The following ERO1B variants were observed in gnomAD, a reference collection of about 807,000 sequenced individuals.
ERO1B encodes the protein ERO1-like protein beta.
A neutral mutation model predicts 75.3 loss-of-function variants in ERO1B; 49 were observed. The observed-to-expected ratio is 0.65, with a 90% CI of 0.52 to 0.83. The LOEUF is 0.83. ERO1B is among the 40% of genes least tolerant of loss of function. The probability of loss-of-function intolerance (pLI) is 0.00; values close to 1 mark genes in which losing one functional copy is unlikely to be tolerated. For synonymous variants in ERO1B, 191 were observed against 192.9 expected (o/e 0.99, Z 0.08); for missense variants, 512 against 560.1 (o/e 0.91, Z 0.87).
chr1:236,220,812 C>A lies in ERO1B; in HGVS notation c.1343+20G>T. ...AACCCAATGGGAAATCAAAAATCTT[C>A]AACATATAATGGTTCTTACCTTCCA... On this transcript the variant is annotated intron_variant, in intron 15 of 15. Coordinates refer to ENST00000354619, the MANE Select transcript of ERO1B (RefSeq NM_019891.4). 2 of 1,530,524 alleles carry A rather than the reference C, an allele frequency of 1.3e-6. No homozygotes were observed. The highest frequency in any genetic ancestry group is 1.3e-5 in the South Asian group (1 of 74,576). The allele number at this position is 1,530,524 out of a possible 1,614,324, so 94.8% of individuals were successfully genotyped here. A position where few individuals can be genotyped will look rare whatever the true frequency, so the allele number is the denominator to read the frequency against.
rs1407417098 is a variant in ERO1B at position 236,226,294 on chromosome 1, G to C, written c.1027C>G (p.Leu343Val). Reference protein sequence around the residue: ...AEEDADTKTLLLNIFQDTKSF... With the variant: ...AEEDADTKTLVLNIFQDTKSF... Reference sequence around the variant, plus strand: ...TTTGTATCTTGAAAGATATTCAGTAGAAGAGTTTTTGTGTCAGCATCTTCT... The same window carrying C: ...TTTGTATCTTGAAAGATATTCAGTACAAGAGTTTTTGTGTCAGCATCTTCT... The change falls in exon 12 of 16, where the codon CTA (leucine) becomes GTA (valine). Residue 343 changes from leucine to valine, a missense_variant. By Grantham distance (32) the Leu-to-Val change is conservative. Transcript: ENST00000354619. 2 of 1,613,970 alleles carry C rather than the reference G, an allele frequency of 1.2e-6. No individual in the cohort carries two copies. The highest frequency in any genetic ancestry group is 3.3e-5 in the Admixed American group (2 of 59,986).
chr1:236,218,370 CAT>C lies in ERO1B; in HGVS notation c.*144_*145del, dbSNP rs1290301495. On this transcript the variant is annotated 3_prime_UTR_variant, in exon 16 of 16. Transcript: ENST00000354619. The stretch of plus-strand genomic sequence containing the variant: ...TAGTTGATAATAATCTATTAAGAAT[CAT>C]AAATATTCAAGTGAGCATTTAAATT... 8 of 593,260 alleles carry C rather than the reference CAT, an allele frequency of 1.3e-5. No individual in the cohort carries two copies. Among genetic ancestry groups the C allele is most frequent in the East Asian group, 6.2e-5 (1 of 16,106 alleles). 36.7% of individuals were successfully genotyped at this position (593,260 alleles called of 1,614,324 possible). A position where few individuals can be genotyped will look rare whatever the true frequency, so the allele number is the denominator to read the frequency against.
At chr1:236,265,542 T>C (rs1665414877) in intron 2 of ERO1B, among the ~76,000 whole-genome samples, 1 of 152,204 alleles carries the variant, frequency 6.6e-6, no homozygotes. Context: ...AGCTGCAGCA[T>C]TCTATTGCAA....
chr1:236,249,096 G>C (rs1163377868), intron 5 of ERO1B, among the ~76,000 whole-genome samples: 1 of 149,508 alleles, frequency 6.7e-6, no homozygotes, highest in Non-Finnish European at 1.5e-5. Flanking sequence ...TGTGATCTCA[G>C]CTCACTGCAA....
intron 2 of ERO1B, among the ~76,000 whole-genome samples, chr1:236,254,918 TTA>T (rs1326790639): frequency 6.7e-6 from 1 of 150,014 alleles, no homozygotes; most frequent in Non-Finnish European, 1.5e-5. Context: ...TGGCCGGTCT[TTA>T]TCTTTTTTTT....
chr1:236,249,734 G>C lies in ERO1B; in HGVS notation c.431+151C>G. On this transcript the variant is annotated intron_variant, in intron 5 of 15. Transcript: ENST00000354619. ...AGCCAAGAAGAGGCAAAGCTATTAT[G>C]AAATTTAGGATAAAGAAAAACTTTT... 1.1e-5 allele frequency: 6 copies of C among 531,232 alleles called. No homozygotes were observed. The South Asian group carries it at 1.8e-4, about 16-fold the overall frequency. 32.9% of individuals were successfully genotyped at this position (531,232 alleles called of 1,614,324 possible).
At position 236,216,511 on chromosome 1, in the gene ERO1B, A is replaced by G. The variant is rs1663982671; in HGVS notation, c.*2005T>C. ...TCATTTATTTTCTTAGTTGTGAAAAAATTAGTTAAGAACCTTAAAAAGAAC... is the reference window on the plus strand; with the variant it reads ...TCATTTATTTTCTTAGTTGTGAAAAGATTAGTTAAGAACCTTAAAAAGAAC... On this transcript the variant is annotated 3_prime_UTR_variant, in exon 16 of 16. Coordinates refer to ENST00000354619, the MANE Select transcript of ERO1B (RefSeq NM_019891.4). 6.6e-6 allele frequency: 1 copy of G among 152,110 alleles called. No individual in the cohort carries two copies. The highest frequency in any genetic ancestry group is 2.4e-5 in the African/African-American group (1 of 41,428). The allele number at this position is 152,110 out of a possible 1,614,324, so 9.4% of individuals were successfully genotyped here. A position where few individuals can be genotyped will look rare whatever the true frequency, so the allele number is the denominator to read the frequency against.
chr1:236,266,008 T>C (rs1449352338), intron 2 of ERO1B, among the ~76,000 whole-genome samples: 1 of 152,224 alleles, frequency 6.6e-6, no homozygotes, highest in Non-Finnish European at 1.5e-5. Context: ...CCAATATTCA[T>C]TCTCTCCTAC....
chr1:236,279,340 TA>T (rs1382221596), intron 1 of ERO1B, among the ~76,000 whole-genome samples: 1 of 146,934 alleles, frequency 6.8e-6, no homozygotes. Context: ...TCATCTCTAC[TA>T]AAAAATACAA....
At position 236,281,835 on chromosome 1, in the gene ERO1B, G is replaced by A. The variant is rs1445781022; in HGVS notation, c.-52C>T. Reference sequence around the variant, plus strand: ...GCCGGACCCCTCGGGGCCGGGGAACGACGGGCGGCCCAGGCGACGACCCAA... The same window carrying A: ...GCCGGACCCCTCGGGGCCGGGGAACAACGGGCGGCCCAGGCGACGACCCAA... On this transcript the variant is annotated 5_prime_UTR_variant, in exon 1 of 16. Coordinates refer to ENST00000354619, the MANE Select transcript of ERO1B (RefSeq NM_019891.4). 2 of 1,311,198 alleles carry A rather than the reference G, an allele frequency of 1.5e-6. No individual in the cohort carries two copies. Among genetic ancestry groups the A allele is most frequent in the African/African-American group, 1.5e-5 (1 of 65,294 alleles). The allele number at this position is 1,311,198 out of a possible 1,614,324, so 81.2% of individuals were successfully genotyped here.
rs1380093731 is a variant in ERO1B at position 236,220,691 on chromosome 1, CCTCT to C, written c.1343+137_1343+140del. 26 of 695,562 alleles carry C rather than the reference CCTCT, an allele frequency of 3.7e-5. No individual in the cohort carries two copies. In the South Asian group the frequency reaches 8.6e-4, roughly 23 times the overall value. The allele number at this position is 695,562 out of a possible 1,614,324, so 43.1% of individuals were successfully genotyped here. On this transcript the variant is annotated intron_variant, in intron 15 of 15. Transcript: ENST00000354619. Reference sequence around the variant, plus strand: ...AGAAACTGACTTGTCAGCATTAAGGCCTCTCTAAGTTAGTACAGATACAATATAA... The same window carrying C: ...AGAAACTGACTTGTCAGCATTAAGGCCTAAGTTAGTACAGATACAATATAA...
chr1:236,248,388 G>C (rs1051073298), intron 5 of ERO1B, among the ~76,000 whole-genome samples: 19 of 152,234 alleles, frequency 1.2e-4, no homozygotes, highest in African/African-American at 4.6e-4. Flanking sequence ...TATCAAGAAT[G>C]GGTATTAAAA....
chr1:236,221,844 G>A lies in ERO1B; in HGVS notation c.1209+80C>T, dbSNP rs1054122797. The stretch of plus-strand genomic sequence containing the variant: ...AAATTCTAATTCAATGAACAATGAG[G>A]ACATTTTAATAAAAAGCTTGGACTC... On this transcript the variant is annotated intron_variant, in intron 14 of 15. Coordinates refer to ENST00000354619, the MANE Select transcript of ERO1B (RefSeq NM_019891.4). 2.2e-4 allele frequency: 229 copies of A among 1,034,776 alleles called. 1 individual carries two copies. The highest frequency in any genetic ancestry group is 4.2e-4 in the Middle Eastern group (2 of 4,722). The allele number at this position is 1,034,776 out of a possible 1,614,324, so 64.1% of individuals were successfully genotyped here.
At chr1:236,266,663 C>T (rs937290862) in intron 2 of ERO1B, among the ~76,000 whole-genome samples, 10 of 151,902 alleles carry the variant, frequency 6.6e-5, no homozygotes, top group African/African-American at 2.4e-4. Flanking sequence ...TTTCTCTTAG[C>T]TTTTTCTTTT....
rs929809328 is a variant in ERO1B, at chr1:236,216,346, A to T, written c.*2170T>A. ...ACGACAAAAGATGTGAATTGGAAAA[A>T]CAGTTTAGATCACAAGAACCATAAA... is the stretch of plus-strand genomic sequence containing the variant. On this transcript the variant is annotated 3_prime_UTR_variant, in exon 16 of 16. Transcript: ENST00000354619. 8.5e-5 allele frequency: 13 copies of T among 152,158 alleles called. No homozygotes were observed. Among genetic ancestry groups the T allele is most frequent in the Non-Finnish European group, 1.5e-4 (10 of 67,992 alleles). The allele number at this position is 152,158 out of a possible 1,614,324, so 9.4% of individuals were successfully genotyped here.
intron 8 of ERO1B, among the ~76,000 whole-genome samples, chr1:236,235,287 A>G (rs1213590620): frequency 1.3e-5 from 2 of 152,244 alleles, no homozygotes; most frequent in African/African-American, 4.8e-5. Context: ...CAAGAAATAC[A>G]GAATCAGAAG....
chr1:236,270,225 A>G (rs532246966), intron 1 of ERO1B, among the ~76,000 whole-genome samples: 15 of 152,336 alleles, frequency 9.8e-5, no homozygotes, highest in African/African-American at 3.4e-4. Context: ...CTTGAAGAGT[A>G]TTGAATTCTC....
At chr1:236,239,839 A>ATATATG (rs1664644848) in intron 6 of ERO1B, among the ~76,000 whole-genome samples, 1 of 114,352 alleles carries the variant, frequency 8.7e-6, no homozygotes, top group East Asian at 6.5e-4. Flanking sequence ...ATATATGTGT[A>ATATATG]TATATATATG....
chr1:236,273,895 G>A (rs1042978572), intron 1 of ERO1B, among the ~76,000 whole-genome samples: 1 of 151,430 alleles, frequency 6.6e-6, no homozygotes, highest in African/African-American at 2.4e-5. Context: ...GCTTTTTCAG[G>A]AAATGGCAAA....
Sources: allele counts gnomAD v4.1 joint callset (sites outside exome capture counted in the v4.1 genomes callset), GRCh38; gene constraint gnomAD v4.1.1; transcripts MANE v1.5; gene names NCBI Gene and HGNC (gene_info 2026-07-23, HGNC 2026-07-21).